Variants in PTPRN2 observed in about 807,000 individuals in gnomAD.
PTPRN2 encodes receptor-type tyrosine-protein phosphatase N2.
Under a neutral mutation model 118.8 loss-of-function variants are expected in PTPRN2, and 74 were observed. The observed-to-expected ratio is 0.62, with a 90% CI of 0.52 to 0.76. The LOEUF is 0.76. Ranked by LOEUF, PTPRN2 falls within the 30% of genes least tolerant of loss-of-function variation. The probability of loss-of-function intolerance (pLI) is 0.00; values close to 1 mark genes in which losing one functional copy is unlikely to be tolerated. For synonymous variants in PTPRN2, 641 were observed against 608.0 expected (o/e 1.05, Z -0.80); for missense variants, 1,481 against 1,394.4 (o/e 1.06, Z -0.99).
Position 157,740,939 on chromosome 7 carries a change from C to G in PTPRN2, c.1789-58002G>C, listed in dbSNP as rs192325862. ...AAAATATTATTGGAAAACCCATGGG[C>G]CACTTTGTTCCCTCTGTACCACAGG... On this transcript the variant is annotated intron_variant, in intron 12 of 22. Transcript: ENST00000389418. Among the ~76,000 whole-genome samples, 589 of 152,322 alleles carry G rather than the reference C, an allele frequency of 3.9e-3. 1 individual carries two copies. Among genetic ancestry groups the G allele is most frequent in the Non-Finnish European group, 7.0e-3 (474 of 68,030 alleles).
At chr7:158,149,322 C>T (rs1454811295) in intron 6 of PTPRN2, among the ~76,000 whole-genome samples, 1 of 152,130 alleles carries the variant, frequency 6.6e-6, no homozygotes, top group Non-Finnish European at 1.5e-5. Context: ...AAATCACTGC[C>T]TATATTTAAC....
chr7:158,081,770 A>AT (rs1812861968), intron 10 of PTPRN2, among the ~76,000 whole-genome samples: 1 of 152,202 alleles, frequency 6.6e-6, no homozygotes, highest in Non-Finnish European at 1.5e-5. Flanking sequence ...AGAGACTAGT[A>AT]TTTTTTAAAC....
At chr7:158,128,466 G>A (rs2150414070) in intron 9 of PTPRN2, among the ~76,000 whole-genome samples, 1 of 152,220 alleles carries the variant, frequency 6.6e-6, no homozygotes, top group South Asian at 2.1e-4. Context: ...CAGTCCAAAA[G>A]GCATGGCCGG....
At chr7:157,691,100 T>C (rs1380715811) in intron 12 of PTPRN2, among the ~76,000 whole-genome samples, 1 of 117,350 alleles carries the variant, frequency 8.5e-6, no homozygotes, top group Admixed American at 9.7e-5. Context: ...CTGACAGCAA[T>C]TGGCTAAGGG....
In PTPRN2 at chr7:157,596,028, C is replaced by T. The variant is rs1390073940; in HGVS notation, c.2419-713G>A. ...AGAGCTTCCTGGCCACGGAGCCCAC[C>T]CAGGCTGCCCTGTGTTCAGGAGAAC... On this transcript the variant is annotated intron_variant, in intron 16 of 22. Coordinates refer to ENST00000389418, the MANE Select transcript of PTPRN2 (RefSeq NM_002847.5). This position sits in a 1 kb window ranked among gnomAD's most constrained non-coding sequence, Gnocchi z 4.2. Among the ~76,000 whole-genome samples, 1 of 152,188 alleles carries T rather than the reference C, an allele frequency of 6.6e-6. No homozygotes were observed. Among genetic ancestry groups the T allele is most frequent in the Non-Finnish European group, 1.5e-5 (1 of 68,036 alleles).
intron 12 of PTPRN2, among the ~76,000 whole-genome samples, chr7:157,736,516 C>T (rs148847494): frequency 6.6e-6 from 1 of 152,122 alleles, no homozygotes; most frequent in African/African-American, 2.4e-5. Flanking sequence ...TCCACAAGCC[C>T]GGGAGAGAGG....
Position 157,682,917 on chromosome 7 carries a change from C to T in PTPRN2, c.1809G>A (p.Leu603=). The change falls in exon 13 of 23, where the codon CTG becomes CTA. Residue 603 remains leucine (L), a synonymous_variant. Transcript: ENST00000389418. ...AGTCTTCTTGCTCCGCCTGAGGAGGCAGGAACTTGAGTTTGCTTTTCTGCA... is the reference window on the plus strand; with the variant it reads ...AGTCTTCTTGCTCCGCCTGAGGAGGTAGGAACTTGAGTTTGCTTTTCTGCA... ...GVGSKSKLKF[L]PPQAEQEDST... is the part of the protein sequence containing the mutation. 1.2e-6 allele frequency: 2 copies of T among 1,613,544 alleles called. No individual in the cohort carries two copies. The highest frequency in any genetic ancestry group is 1.7e-6 in the Non-Finnish European group (2 of 1,179,696).
chr7:158,331,506 AC>A (rs1804436788), intron 2 of PTPRN2, among the ~76,000 whole-genome samples: 2 of 139,626 alleles, frequency 1.4e-5, no homozygotes, highest in Non-Finnish European at 3.1e-5. Context: ...ACGAGCTGTC[AC>A]CCACAGACAT....
intron 21 of PTPRN2, among the ~76,000 whole-genome samples, chr7:157,557,214 A>G (rs949097430): frequency 3.4e-5 from 5 of 148,896 alleles, no homozygotes; most frequent in Non-Finnish European, 7.5e-5. Context: ...CCCCACTTAC[A>G]TAGGTCATAC....
intron 9 of PTPRN2, among the ~76,000 whole-genome samples, chr7:158,125,957 G>T (rs960810897): frequency 6.6e-6 from 1 of 152,176 alleles, no homozygotes; most frequent in African/African-American, 2.4e-5. Context: ...CTCCTGAGCG[G>T]TGAGGCCTCC....
chr7:157,849,898 G>A (rs1326830703), intron 12 of PTPRN2, among the ~76,000 whole-genome samples: 3 of 152,176 alleles, frequency 2.0e-5, no homozygotes, highest in South Asian at 2.1e-4. Flanking sequence ...ACCCTTCACC[G>A]CTGGCCCTGA....
At chr7:158,386,013 C>T (rs1204255204) in intron 2 of PTPRN2, among the ~76,000 whole-genome samples, 7 of 121,428 alleles carry the variant, frequency 5.8e-5, no homozygotes, top group South Asian at 3.1e-4. Context: ...TCCCGTGCCC[C>T]AAGTCCCTCC....
chr7:158,071,513 CGTG>C (rs1357746839), intron 11 of PTPRN2, among the ~76,000 whole-genome samples: 61 of 118,584 alleles, frequency 5.1e-4, no homozygotes, highest in Non-Finnish European at 7.1e-4. Flanking sequence ...TGGAGATGCT[CGTG>C]GTGGTGGAGA....
chr7:158,285,743 G>C (rs181035657), intron 3 of PTPRN2, among the ~76,000 whole-genome samples: 1 of 152,298 alleles, frequency 6.6e-6, no homozygotes, highest in East Asian at 1.9e-4. Context: ...AGCGCGGGCT[G>C]TCTATGTCAG....
intron 9 of PTPRN2, among the ~76,000 whole-genome samples, chr7:158,117,004 CA>C (rs1171710009): frequency 1.3e-5 from 2 of 151,846 alleles, no homozygotes; most frequent in Middle Eastern, 3.4e-3. Flanking sequence ...TAGTTTTCAA[CA>C]AAAAATTGCA....
At chr7:157,748,370 A>G (rs1328794599) in intron 12 of PTPRN2, among the ~76,000 whole-genome samples, 716 of 68,118 alleles carry the variant, frequency 0.011, no homozygotes, top group Middle Eastern at 0.026. Context: ...CTGAGCTGTG[A>G]GCTGCCTGGG....
In PTPRN2 at chr7:158,502,772, T is replaced by C. The variant is rs370649693; in HGVS notation, c.113-12987A>G. Among the ~76,000 whole-genome samples the C allele has an allele frequency of 3.5e-4, 53 of 152,084 alleles. No individual in the cohort carries two copies. The South Asian group carries it at 0.011, about 32-fold the overall frequency. On this transcript the variant is annotated intron_variant, in intron 1 of 22. Transcript: ENST00000389418. The stretch of plus-strand genomic sequence containing the variant: ...TTTTCCCTCACCCCCAGCCACTGTG[T>C]CCATCAACTACTGTGTCCATCAGCC...
intron 2 of PTPRN2, among the ~76,000 whole-genome samples, chr7:158,403,050 T>G (rs1813069604): frequency 6.6e-6 from 1 of 152,322 alleles, no homozygotes; most frequent in African/African-American, 2.4e-5. Flanking sequence ...CTTCTTCATA[T>G]GCTTCCCAGG....
At chr7:158,166,568 C>A (rs1206231546) in intron 6 of PTPRN2, among the ~76,000 whole-genome samples, 1 of 149,700 alleles carries the variant, frequency 6.7e-6, no homozygotes, top group Non-Finnish European at 1.5e-5. Flanking sequence ...TCCTCCTCCC[C>A]CTGGCCGCCG....
Sources: allele counts gnomAD v4.1 joint callset (sites outside exome capture counted in the v4.1 genomes callset), GRCh38; gene constraint gnomAD v4.1.1; non-coding constraint Gnocchi (gnomAD v3.1); transcripts MANE v1.5; gene names NCBI Gene and HGNC (gene_info 2026-07-23, HGNC 2026-07-21).